FANK1: variants seen among roughly 807,000 people sequenced by gnomAD.
FANK1 encodes fibronectin type 3 and ankyrin repeat domains protein 1.
In FANK1, 44 loss-of-function variants were observed where a neutral mutation model predicts 45.3. That is an observed-to-expected ratio of 0.97 (90% CI 0.76 to 1.25). The LOEUF (loss-of-function observed/expected upper bound fraction) is 1.25, where lower values mean the gene tolerates loss of function less well. Among genes scored for constraint, FANK1 ranks in the 50% most tolerant of loss-of-function variants. FANK1 has a pLI of 0.00. For missense variants in FANK1, 391 were observed against 424.4 expected, an observed-to-expected ratio of 0.92 and a Z score of 0.69; for synonymous variants, 149 against 152.5, an observed-to-expected ratio of 0.98 and a Z score of 0.17.
intron 2 of FANK1, among the ~76,000 whole-genome samples, chr10:125,985,709 A>G (rs1237316330): frequency 6.6e-6 from 1 of 152,184 alleles, no homozygotes; most frequent in Non-Finnish European, 1.5e-5. Flanking sequence ...GTGTTTGCTC[A>G]TGATCTGTAA....
Position 125,979,282 on chromosome 10 carries a change from C to T in FANK1, c.14-879C>T, listed in dbSNP as rs558445202. ...TTGAAGGTGTTGTATTCACTCGCCC[C>T]TTCTGTTCCTCTCCGTGAGAGTCAG... On this transcript the variant is annotated intron_variant, in intron 1 of 10. Coordinates refer to ENST00000368693, the MANE Select transcript of FANK1 (RefSeq NM_145235.5). Among the ~76,000 whole-genome samples, 42 of 152,270 alleles carry T rather than the reference C, an allele frequency of 2.8e-4. 1 individual carries two copies. The South Asian group carries it at 8.7e-3, about 32-fold the overall frequency.
chr10:125,978,152 A>G (rs1950968023), intron 1 of FANK1, among the ~76,000 whole-genome samples: 1 of 152,160 alleles, frequency 6.6e-6, no homozygotes, highest in African/African-American at 2.4e-5. Context: ...AGGTGTCACC[A>G]GTGAAGGCTG....
Position 125,964,069 on chromosome 10 carries a change from G to A in FANK1, c.14-16092G>A, listed in dbSNP as rs142124008. Among the ~76,000 whole-genome samples, 404 of 151,436 alleles carry A rather than the reference G, an allele frequency of 2.7e-3. 2 individuals are homozygous for A. Among genetic ancestry groups the A allele is most frequent in the African/African-American group, 9.5e-3 (391 of 41,232 alleles). On this transcript the variant is annotated intron_variant, in intron 1 of 10. Coordinates refer to ENST00000368693, the MANE Select transcript of FANK1 (RefSeq NM_145235.5). ...TAAAATACTCACATGCCACCACTTA[G>A]CTTAAGAAACAAATCATTGCTGACA...
intron 1 of FANK1, among the ~76,000 whole-genome samples, chr10:125,921,692 C>G (rs1374750354): frequency 5.9e-5 from 9 of 152,086 alleles, no homozygotes; most frequent in Non-Finnish European, 1.0e-4. Context: ...GTCTGTCTTT[C>G]AAGGAATTGA....
At chr10:125,913,555 C>A (rs1946204032) in intron 1 of FANK1, among the ~76,000 whole-genome samples, 1 of 152,200 alleles carries the variant, frequency 6.6e-6, no homozygotes, top group Non-Finnish European at 1.5e-5. Context: ...TCTGATAAGT[C>A]ATTGCCACCA....
intron 1 of FANK1, among the ~76,000 whole-genome samples, chr10:125,977,962 C>A (rs1224892223): frequency 6.6e-6 from 1 of 152,282 alleles, no homozygotes; most frequent in East Asian, 1.9e-4. Flanking sequence ...AGGCTCTGTT[C>A]GGGGAGTTGC....
intron 1 of FANK1, among the ~76,000 whole-genome samples, chr10:125,922,674 C>T (rs1294803887): frequency 1.3e-5 from 2 of 152,056 alleles, no homozygotes; most frequent in East Asian, 1.9e-4. Context: ...GCTGCCATGC[C>T]CAGCTAATTT....
intron 1 of FANK1, chr10:125,960,443 G>C: frequency 5.7e-6 from 1 of 175,416 alleles, no homozygotes; most frequent in Non-Finnish European, 1.2e-5. Context: ...GTTGAGCCAC[G>C]CTAGGCGGGT....
chr10:125,953,383 C>A (rs1949376485), intron 1 of FANK1, among the ~76,000 whole-genome samples: 1 of 152,142 alleles, frequency 6.6e-6, no homozygotes, highest in African/African-American at 2.4e-5. Flanking sequence ...GCTTTCCAGA[C>A]CTCCTAAATA....
At chr10:125,973,603 A>G (rs980371174) in intron 1 of FANK1, 5 of 210,362 alleles carry the variant, frequency 2.4e-5, no homozygotes, top group African/African-American at 1.2e-4. Flanking sequence ...GGTAATGTAT[A>G]CTGTTGATTT....
In FANK1 at chr10:125,934,506, A is replaced by G. The variant is rs372508310; in HGVS notation, c.13+37851A>G. 3.1e-4 allele frequency among the ~76,000 whole-genome samples: 47 copies of G among 152,102 alleles called. No individual in the cohort carries two copies. In the South Asian group the frequency reaches 9.4e-3, roughly 30 times the overall value. On this transcript the variant is annotated intron_variant, in intron 1 of 10. Transcript: ENST00000368693. Reference sequence around the variant, plus strand: ...GATGAAGGCTCCGGGATGTCTGGCTAGTTATGGGGACTGAGCTGTGGGCAG... The same window carrying G: ...GATGAAGGCTCCGGGATGTCTGGCTGGTTATGGGGACTGAGCTGTGGGCAG...
At chr10:125,931,141 C>G (rs558898643) in intron 1 of FANK1, among the ~76,000 whole-genome samples, 4 of 152,250 alleles carry the variant, frequency 2.6e-5, no homozygotes, top group African/African-American at 9.6e-5. Context: ...GTTGGTTCCA[C>G]GATTTTGGAA....
At chr10:125,965,221 C>A (rs1950142886) in intron 1 of FANK1, among the ~76,000 whole-genome samples, 1 of 152,154 alleles carries the variant, frequency 6.6e-6, no homozygotes, top group African/African-American at 2.4e-5. Flanking sequence ...GTAATTGCAT[C>A]ATTTTGATTT....
intron 1 of FANK1, chr10:125,973,796 C>T (rs1286796025): frequency 7.3e-6 from 1 of 136,282 alleles, no homozygotes; most frequent in Non-Finnish European, 1.7e-5. Context: ...CCATCATGCC[C>T]CCATCCCTTC....
chr10:125,959,544 G>A (rs1336315490), intron 1 of FANK1, among the ~76,000 whole-genome samples: 1 of 151,946 alleles, frequency 6.6e-6, no homozygotes, highest in East Asian at 1.9e-4. Context: ...GCAACCTAAT[G>A]CCCAACATAA....
At chr10:125,985,071 C>G (rs561610237) in intron 2 of FANK1, among the ~76,000 whole-genome samples, 2 of 151,404 alleles carry the variant, frequency 1.3e-5, no homozygotes, top group Non-Finnish European at 3.0e-5. Flanking sequence ...GACAAGCGTG[C>G]TTGGTAACAT....
intron 1 of FANK1, among the ~76,000 whole-genome samples, chr10:125,945,642 A>C (rs1048589145): frequency 6.6e-6 from 1 of 152,136 alleles, no homozygotes; most frequent in Non-Finnish European, 1.5e-5. Context: ...GCAGTCTGAG[A>C]TCAAACTGCA....
intron 1 of FANK1, among the ~76,000 whole-genome samples, chr10:125,921,166 G>C (rs1437274003): frequency 1.3e-5 from 2 of 152,190 alleles, no homozygotes; most frequent in Admixed American, 1.3e-4. Flanking sequence ...TTTGTTTTTG[G>C]TAGATTACAA....
chr10:125,992,351 G>A (rs1390465625), intron 3 of FANK1, among the ~76,000 whole-genome samples: 1 of 152,202 alleles, frequency 6.6e-6, no homozygotes, highest in Non-Finnish European at 1.5e-5. Flanking sequence ...ACAGGTTTCA[G>A]TGTAATCCTC....
Sources: gnomAD v4.1 joint callset for allele counts (sites outside exome capture counted in the v4.1 genomes callset) on GRCh38, gnomAD v4.1.1 for gene constraint, MANE v1.5 for transcripts, NCBI Gene and HGNC (gene_info 2026-07-23, HGNC 2026-07-21) for gene names.